Variants in DLD observed in about 807,000 individuals in gnomAD.
DLD encodes the protein dihydrolipoyl dehydrogenase, mitochondrial.
DLD carries 36 observed loss-of-function variants against 62.2 expected under a neutral mutation model. The ratio of observed to expected loss-of-function variants is 0.58; its 90% CI spans 0.44 to 0.76. The LOEUF (loss-of-function observed/expected upper bound fraction) is 0.76. Ranked by LOEUF, DLD falls within the 30% of genes least tolerant of loss-of-function variation. The pLI is 0.00. For synonymous variants in DLD, 204 were observed against 199.6 expected (o/e 1.02, Z -0.19); for missense variants, 541 against 608.6 (o/e 0.89, Z 1.17).
chr7:107,891,144 G>A (rs1293120280), upstream of DLD: 12 of 1,417,896 alleles, frequency 8.5e-6, no homozygotes, highest in East Asian at 2.6e-4. Context: ...CCCGGGTGAT[G>A]ACGTAGGCTG....
chr7:107,914,053 T>G (rs2032206315), intron 8 of DLD, among the ~76,000 whole-genome samples: 1 of 152,194 alleles, frequency 6.6e-6, no homozygotes, highest in South Asian at 2.1e-4. Context: ...GAATCATCCT[T>G]GCATCTCTGG....
At chr7:107,912,526 TG>T (rs1219448848) in intron 8 of DLD, among the ~76,000 whole-genome samples, 1 of 152,134 alleles carries the variant, frequency 6.6e-6, no homozygotes, top group Non-Finnish European at 1.5e-5. Flanking sequence ...CCATTTTAAC[TG>T]GGGTGAGATG....
chr7:107,895,126 C>T (rs988394686), intron 2 of DLD, among the ~76,000 whole-genome samples: 2 of 152,194 alleles, frequency 1.3e-5, no homozygotes, highest in Non-Finnish European at 2.9e-5. Flanking sequence ...GAGGGCTTCA[C>T]TCTGTCTCAG....
chr7:107,913,182 A>G (rs1341603988), intron 8 of DLD, among the ~76,000 whole-genome samples: 2 of 151,956 alleles, frequency 1.3e-5, no homozygotes, highest in Non-Finnish European at 2.9e-5. Context: ...GTACTATGCT[A>G]TTTTGGTTAC....
rs139689363 is a variant in DLD, at chr7:107,904,917, G to T, written c.338-41G>T. 1,433 of 1,484,522 alleles carry T rather than the reference G, an allele frequency of 9.7e-4. 3 individuals carry two copies. The highest frequency in any genetic ancestry group is 3.0e-3 in the Admixed American group (178 of 59,246). The allele number at this position is 1,484,522 out of a possible 1,614,324, so 92.0% of individuals were successfully genotyped here. On this transcript the variant is annotated intron_variant, in intron 5 of 13. Coordinates refer to ENST00000205402, the MANE Select transcript of DLD (RefSeq NM_000108.5). ...TGAAAAACACTGCATATTGCTTCAA[G>T]AATTTAGCTAAGAACTAAAGATTAA...
intron 5 of DLD, 39 bp downstream of exon 5, chr7:107,903,586 G>T (rs1346876851): frequency 2.1e-5 from 25 of 1,213,160 alleles, no homozygotes; most frequent in Non-Finnish European, 3.0e-5. Context: ...TTACCAGACT[G>T]CTTGACTTGG....
At chr7:107,905,322 C>T in intron 6 of DLD, 39 bp from the exon 7 acceptor site, 1 of 1,577,414 alleles carries the variant, frequency 6.3e-7, no homozygotes, top group Non-Finnish European at 8.7e-7. Flanking sequence ...AAACAAATTA[C>T]TTTAAACTTT....
chr7:107,911,736 T>G (rs750265292), intron 8 of DLD, among the ~76,000 whole-genome samples: 2 of 152,100 alleles, frequency 1.3e-5, no homozygotes, highest in Non-Finnish European at 2.9e-5. Flanking sequence ...GTAATAGATG[T>G]ACTTTTTTCA....
intron 2 of DLD, 126 bp downstream of exon 2, chr7:107,893,404 T>C (rs1208853232): frequency 1.3e-5 from 10 of 743,272 alleles, no homozygotes; most frequent in Non-Finnish European, 2.1e-5. Context: ...TGTTCATGTA[T>C]TTATTCGTTT....
At chr7:107,905,713 G>A (rs2116223090) in intron 7 of DLD, 1 of 574,602 alleles carries the variant, frequency 1.7e-6, no homozygotes, top group Admixed American at 3.1e-5. Flanking sequence ...TTTGAATACA[G>A]TATGAAGTTA....
chr7:107,891,182 C>T (rs971904247), upstream of DLD: 7 of 1,592,856 alleles, frequency 4.4e-6, no homozygotes, highest in African/African-American at 1.3e-5. Flanking sequence ...GGAGGGGAGA[C>T]CTTGGCGGAG....
At position 107,919,829 on chromosome 7, in the gene DLD, T is replaced by C. The variant is rs1340664468; in HGVS notation, c.*570T>C. On this transcript the variant is annotated 3_prime_UTR_variant, in exon 14 of 14. Coordinates refer to ENST00000205402, the MANE Select transcript of DLD (RefSeq NM_000108.5). ...TGTTGAAGAGGTTTTAAAGCTTCCA[T>C]TGTTGTCTGCAACTCTGAAGGGTAA... is the stretch of plus-strand genomic sequence containing the variant. 1.3e-5 allele frequency: 2 copies of C among 153,484 alleles called. No homozygotes were observed. The highest frequency in any genetic ancestry group is 4.8e-5 in the African/African-American group (2 of 41,458). 9.5% of individuals were successfully genotyped at this position (153,484 alleles called of 1,614,324 possible).
chr7:107,895,331 T>A (rs543742943), intron 2 of DLD, among the ~76,000 whole-genome samples: 5 of 152,350 alleles, frequency 3.3e-5, no homozygotes, highest in Admixed American at 2.6e-4. Flanking sequence ...CCTGAGGAGT[T>A]CAAATCTTAT....
chr7:107,903,857 A>C (rs992565154), intron 5 of DLD: 2 of 278,700 alleles, frequency 7.2e-6, no homozygotes, highest in Non-Finnish European at 1.4e-5. Context: ...ATTTCCTAAA[A>C]TCTGGAAATC....
intron 5 of DLD, among the ~76,000 whole-genome samples, chr7:107,903,992 A>G (rs1327960400): frequency 1.3e-5 from 2 of 152,196 alleles, no homozygotes; most frequent in Non-Finnish European, 2.9e-5. Flanking sequence ...AAGGAAGAGG[A>G]CATTTCATAA....
At chr7:107,902,173 A>C (rs1448954651) in intron 3 of DLD, 152 bp from the exon 4 acceptor site, 11 of 705,190 alleles carry the variant, frequency 1.6e-5, no homozygotes, top group Admixed American at 2.6e-5. Context: ...TTATTATTCA[A>C]ATGATAAATT....
chr7:107,892,933 T>C lies in DLD; in HGVS notation c.40-267T>C, dbSNP rs1375814167. Among the ~76,000 whole-genome samples, 9 of 152,264 alleles carry C rather than the reference T, an allele frequency of 5.9e-5. No homozygotes were observed. The Middle Eastern group carries it at 0.01, about 173-fold the overall frequency. On this transcript the variant is annotated intron_variant, in intron 1 of 13. Coordinates refer to ENST00000205402, the MANE Select transcript of DLD (RefSeq NM_000108.5). ...TTGAATAAAAATACCATTGAATACGTTTTTAAAATTAAGTTAAATATGAGA... is the reference window on the plus strand; with the variant it reads ...TTGAATAAAAATACCATTGAATACGCTTTTAAAATTAAGTTAAATATGAGA...
chr7:107,904,668 T>C (rs971093075), intron 5 of DLD: 45 of 510,796 alleles, frequency 8.8e-5, no homozygotes, highest in African/African-American at 1.5e-4. Flanking sequence ...TCCAGACTTA[T>C]AACCATCGTA....
rs1197262566 is a variant in DLD, at chr7:107,920,470, G to C, written c.*1211G>C. The C allele has an allele frequency of 1.3e-5, 2 of 152,220 alleles. No individual in the cohort carries two copies. The highest frequency in any genetic ancestry group is 4.8e-5 in the African/African-American group (2 of 41,452). The allele number at this position is 152,220 out of a possible 1,614,324, so 9.4% of individuals were successfully genotyped here. A position where few individuals can be genotyped will look rare whatever the true frequency, so the allele number is the denominator to read the frequency against. ...AAGAAAATTGATTGTTGTCTTAGGA[G>C]GCAGTTAACTTGGCTGAACACCAAC... On this transcript the variant is annotated 3_prime_UTR_variant, in exon 14 of 14. Transcript: ENST00000205402.
Sources: gnomAD v4.1 joint callset for allele counts (sites outside exome capture counted in the v4.1 genomes callset) on GRCh38, gnomAD v4.1.1 for gene constraint, MANE v1.5 for transcripts, NCBI Gene and HGNC (gene_info 2026-07-23, HGNC 2026-07-21) for gene names.